Variants in FANCA observed in about 807,000 individuals in gnomAD.
The protein encoded by FANCA is FA complementation group A, also known as Fanconi anemia group A protein.
Under a neutral mutation model 194.3 loss-of-function variants are expected in FANCA, and 236 were observed. The observed-to-expected ratio is 1.21, with a 90% CI of 1.09 to 1.35. FANCA has a LOEUF of 1.35. Ranked by LOEUF, FANCA falls within the 40% of genes most tolerant of loss-of-function variation. The pLI is 0.00. For synonymous variants in FANCA, 1,014 were observed against 715.8 expected (o/e 1.42, Z -6.65); for missense variants, 2,628 against 1,813.9 (o/e 1.45, Z -8.15).
At position 89,791,201 on chromosome 16, in the gene FANCA, G is replaced by T. The variant is rs17226218; in HGVS notation, c.1359+202C>A. 33 of 670,584 alleles carry T rather than the reference G, an allele frequency of 4.9e-5. No individual in the cohort carries two copies. In the Admixed American group the frequency reaches 5.6e-4, roughly 11 times the overall value. The allele number at this position is 670,584 out of a possible 1,614,324, so 41.5% of individuals were successfully genotyped here. A position where few individuals can be genotyped will look rare whatever the true frequency, so the allele number is the denominator to read the frequency against. On this transcript the variant is annotated intron_variant, in intron 14 of 42. Transcript: ENST00000389301. The stretch of plus-strand genomic sequence containing the variant: ...GAACCCAGGCTCCTCGGAACATGCA[G>T]AGGAAGATCCGCTGAGGCCCCGACA...
chr16:89,740,629 C>A, intron 38 of FANCA, 175 bp downstream of exon 38: 1 of 616,822 alleles, frequency 1.6e-6, no homozygotes, highest in Non-Finnish European at 2.9e-6. Flanking sequence ...GAGTGAGACC[C>A]CCATCTCAAA....
intron 35 of FANCA, 76 bp from the exon 36 acceptor site, chr16:89,745,147 C>T: frequency 1.5e-6 from 2 of 1,374,470 alleles, no homozygotes; most frequent in South Asian, 1.2e-5. Context: ...CATGACAAGC[C>T]CCCAGTGCTC....
chr16:89,781,650 A>C (rs892395920), intron 17 of FANCA, among the ~76,000 whole-genome samples: 57 of 138,454 alleles, frequency 4.1e-4, no homozygotes, highest in Admixed American at 2.1e-3. Context: ...CACTCCAGCC[A>C]GGGCGACAGA....
intron 11 of FANCA, among the ~76,000 whole-genome samples, chr16:89,793,321 C>A (rs2040140619): frequency 6.6e-6 from 1 of 152,176 alleles, no homozygotes; most frequent in Non-Finnish European, 1.5e-5. Context: ...CCGGGCATAA[C>A]AGAAGGCTCA....
intron 21 of FANCA, among the ~76,000 whole-genome samples, chr16:89,774,656 G>A (rs2143381861): frequency 1.4e-5 from 2 of 145,548 alleles, no homozygotes; most frequent in Non-Finnish European, 3.0e-5. Flanking sequence ...CATGAACCTG[G>A]GAGGCGGAGC....
At chr16:89,797,106 G>A (rs949209898) in intron 10 of FANCA, among the ~76,000 whole-genome samples, 4 of 152,254 alleles carry the variant, frequency 2.6e-5, no homozygotes, top group African/African-American at 9.6e-5. Flanking sequence ...CTTGCAGTGA[G>A]CAGAGATCGC....
At chr16:89,785,370 C>G (rs1567630991) in intron 14 of FANCA, among the ~76,000 whole-genome samples, 1 of 152,200 alleles carries the variant, frequency 6.6e-6, no homozygotes, top group Non-Finnish European at 1.5e-5. Context: ...TGTTTGTGCA[C>G]AGCAAACAAA....
rs957315731 is a variant in FANCA at position 89,815,953 on chromosome 16, T to G, written c.113A>C (p.Glu38Ala). Residue 38 changes from glutamate (E) to alanine (A), a missense_variant, in exon 2 of 43, where the codon GAA (glutamate) becomes GCA (alanine). By Grantham distance (107) the Glu-to-Ala change is moderately radical. Transcript: ENST00000389301. The part of the protein sequence containing the change: ...GRVKREKYNP[E>A]RAQKLKESAV... ...TGATTCCTTTAATTTCTGTGCCCTT[T>G]CAGGATTATATTTTTCCCTCTTGAC... is the stretch of plus-strand genomic sequence containing the variant. The G allele has an allele frequency of 1.9e-6, 3 of 1,614,014 alleles. No individual in the cohort carries two copies. In the African/African-American group the frequency reaches 4.0e-5, roughly 22 times the overall value.
intron 38 of FANCA, 178 bp downstream of exon 38, chr16:89,740,626 A>AC (rs1247287264): frequency 1.8e-6 from 1 of 569,988 alleles, no homozygotes; most frequent in South Asian, 2.0e-5. Flanking sequence ...ACAGAGTGAG[A>AC]CCCCCATCTC....
intron 37 of FANCA, among the ~76,000 whole-genome samples, chr16:89,741,755 G>A (rs775854394): frequency 7.2e-5 from 11 of 152,096 alleles, no homozygotes; most frequent in Non-Finnish European, 1.5e-4. Context: ...CTTGTCCCCA[G>A]CACCCCAGGT....
chr16:89,814,739 G>C (rs867919981), intron 2 of FANCA, 126 bp from the exon 3 acceptor site: 1 of 699,506 alleles, frequency 1.4e-6, no homozygotes, highest in East Asian at 2.8e-5. Flanking sequence ...TCAAGAGTTC[G>C]AGACCAGCCT....
At chr16:89,777,577 G>GA (rs942094317) in intron 20 of FANCA, among the ~76,000 whole-genome samples, 74 of 143,138 alleles carry the variant, frequency 5.2e-4, no homozygotes, top group Non-Finnish European at 7.4e-4. Context: ...TACAAAAAAA[G>GA]AAAAAAAAAA....
At chr16:89,787,905 G>T (rs965083381) in intron 14 of FANCA, among the ~76,000 whole-genome samples, 8 of 151,278 alleles carry the variant, frequency 5.3e-5, no homozygotes, top group African/African-American at 1.9e-4. Context: ...ACGGGGTCTT[G>T]CTCCATTGCC....
intron 39 of FANCA, 47 bp downstream of exon 39, chr16:89,739,947 G>A (rs755717120): frequency 1.2e-6 from 2 of 1,609,482 alleles, no homozygotes; most frequent in African/African-American, 1.3e-5. Flanking sequence ...AGATGCCTCT[G>A]AAAAGAGCGG....
Position 89,737,584 on chromosome 16 carries a change from C to T in FANCA, c.*1017G>A. On this transcript the variant is annotated 3_prime_UTR_variant, in exon 43 of 43. Coordinates refer to ENST00000389301, the MANE Select transcript of FANCA (RefSeq NM_000135.4). ...AGCTTTCTGAGGTTTCTTTAAAAAC[C>T]ATCCTGAAATGCACACAGCTGATGA... 3 of 768,870 alleles carry T rather than the reference C, an allele frequency of 3.9e-6. No individual in the cohort carries two copies. The highest frequency in any genetic ancestry group is 3.3e-5 in the Admixed American group (1 of 29,954). 47.6% of individuals were successfully genotyped at this position (768,870 alleles called of 1,614,324 possible).
At chr16:89,792,625 A>C in intron 11 of FANCA, 78 bp from the exon 12 acceptor site, 2 of 1,281,046 alleles carry the variant, frequency 1.6e-6, no homozygotes, top group Non-Finnish European at 2.2e-6. Flanking sequence ...CCAGCCCCAC[A>C]GGGTCGGTGG....
chr16:89,737,768 C>T lies in FANCA; in HGVS notation c.*833G>A. ...TCGTCGTCCCCCCGGGAGGTTGGAG[C>T]ATCAGGGGCCTGGACTCACTGGACT... On this transcript the variant is annotated 3_prime_UTR_variant, in exon 43 of 43. Transcript: ENST00000389301. 1 of 1,612,218 alleles carries T rather than the reference C, an allele frequency of 6.2e-7. No homozygotes were observed. Among genetic ancestry groups the T allele is most frequent in the Non-Finnish European group, 8.5e-7 (1 of 1,178,504 alleles).
At chr16:89,751,972 G>A (rs541786579) in intron 31 of FANCA, among the ~76,000 whole-genome samples, 166 bp downstream of exon 31, 4 of 151,930 alleles carry the variant, frequency 2.6e-5, no homozygotes. Context: ...GGGTCTCATC[G>A]TGTTAGCCAG....
At chr16:89,767,329 G>C (rs2039164703) in intron 26 of FANCA, 92 bp from the exon 27 acceptor site, 5 of 920,212 alleles carry the variant, frequency 5.4e-6, no homozygotes, top group Admixed American at 1.9e-5. Flanking sequence ...ACTGAATTTA[G>C]TGCATTCCGA....
Sources: gnomAD v4.1 joint callset for allele counts (sites outside exome capture counted in the v4.1 genomes callset) on GRCh38, gnomAD v4.1.1 for gene constraint, MANE v1.5 for transcripts, NCBI Gene and HGNC (gene_info 2026-07-23, HGNC 2026-07-21) for gene names.